AOX1: variants seen among roughly 807,000 people sequenced by gnomAD.
AOX1 encodes aldehyde oxidase.
In AOX1, 153 loss-of-function variants were observed where a neutral mutation model predicts 169.5. The observed-to-expected ratio is 0.90, with a 90% CI of 0.79 to 1.03. AOX1 has a LOEUF of 1.03. Among genes scored for constraint, AOX1 ranks in the 50% least tolerant of loss-of-function variants. The pLI is 0.00. For missense variants in AOX1, 1,656 were observed against 1,663.9 expected (o/e 1.00, Z 0.08); for synonymous variants, 562 against 581.9 (o/e 0.97, Z 0.49).
At chr2:200,670,451 C>A (rs1022261276) in intron 34 of AOX1, among the ~76,000 whole-genome samples, 178 bp from the exon 35 acceptor site, 2 of 152,102 alleles carry the variant, frequency 1.3e-5, no homozygotes, top group Non-Finnish European at 2.9e-5. Flanking sequence ...AGATGATAAC[C>A]CCAGGACCTC....
intron 10 of AOX1, among the ~76,000 whole-genome samples, chr2:200,607,017 C>T (rs766097257): frequency 4.6e-5 from 7 of 152,088 alleles, no homozygotes; most frequent in East Asian, 1.9e-4. Flanking sequence ...TCCAATACTA[C>T]GTTGAATAGT....
intron 20 of AOX1, among the ~76,000 whole-genome samples, chr2:200,628,842 G>A (rs540601060): frequency 3.3e-5 from 5 of 152,182 alleles, no homozygotes; most frequent in South Asian, 4.1e-4. Context: ...CACAAGAATC[G>A]CTTGAACCCT....
intron 25 of AOX1, 26 bp from the exon 26 acceptor site, chr2:200,650,948 A>G (rs971137977): frequency 6.2e-7 from 1 of 1,608,942 alleles, no homozygotes; most frequent in African/African-American, 1.3e-5. Context: ...TTCCCCTCCC[A>G]GCTTTAATCT....
chr2:200,629,581 C>G (rs1429234716), intron 20 of AOX1, among the ~76,000 whole-genome samples: 1 of 152,120 alleles, frequency 6.6e-6, no homozygotes, highest in Non-Finnish European at 1.5e-5. Context: ...AGCCCAGGAA[C>G]TGGTCTTAAC....
chr2:200,588,740 T>TTTTTTTTTTTTTTTTTG, intron 1 of AOX1, among the ~76,000 whole-genome samples: 1 of 139,386 alleles, frequency 7.2e-6, no homozygotes, highest in Non-Finnish European at 1.6e-5. Context: ...TTTTTTTTTT[T>TTTTTTTTTTTTTTTTTG]TTTTTTTGAG....
chr2:200,668,309 A>G (rs1172866713), intron 32 of AOX1, among the ~76,000 whole-genome samples: 2 of 151,940 alleles, frequency 1.3e-5, no homozygotes, highest in South Asian at 2.1e-4. Context: ...GGATTTCTCT[A>G]TGTTAGTCAG....
chr2:200,596,792 G>A (rs2034292381), intron 3 of AOX1, among the ~76,000 whole-genome samples: 1 of 152,180 alleles, frequency 6.6e-6, no homozygotes, highest in Non-Finnish European at 1.5e-5. Flanking sequence ...TGCTCATAAA[G>A]TTTCTTTGTG....
At chr2:200,652,001 C>T (rs1239574746) in intron 26 of AOX1, among the ~76,000 whole-genome samples, 2 of 152,142 alleles carry the variant, frequency 1.3e-5, no homozygotes, top group African/African-American at 4.8e-5. Context: ...ATTGTCACTC[C>T]TCTTTGCAGA....
intron 26 of AOX1, among the ~76,000 whole-genome samples, chr2:200,654,182 T>C (rs1215895384): frequency 8.2e-6 from 1 of 122,004 alleles, no homozygotes; most frequent in Non-Finnish European, 1.6e-5. Flanking sequence ...CACTCCAGCC[T>C]GGGTGACAGA....
intron 25 of AOX1, among the ~76,000 whole-genome samples, chr2:200,645,047 G>T (rs1028675726): frequency 6.6e-6 from 1 of 152,122 alleles, no homozygotes; most frequent in Admixed American, 6.5e-5. Flanking sequence ...TCTTTCTGTT[G>T]TCTGATTGCT....
chr2:200,605,388 T>C (rs1342386047), intron 9 of AOX1, 148 bp from the exon 10 acceptor site: 2 of 421,042 alleles, frequency 4.8e-6, no homozygotes, highest in Non-Finnish European at 8.3e-6. Flanking sequence ...ATTCTCTCTG[T>C]ATGTGATTTG....
intron 20 of AOX1, among the ~76,000 whole-genome samples, chr2:200,631,360 C>T (rs1004567724): frequency 6.6e-6 from 1 of 152,170 alleles, no homozygotes; most frequent in Non-Finnish European, 1.5e-5. Flanking sequence ...GTGCTTTATA[C>T]TGGAGAGCAC....
At chr2:200,676,958 G>A (rs1446273492) in exon 5 of AOX1, 2 of 469,952 alleles carry the variant, frequency 4.3e-6, no homozygotes, top group Non-Finnish European at 8.8e-6. Context: ...CAATGCTGGT[G>A]GCATAATGTC....
Position 200,616,007 on chromosome 2 carries a change from G to A in AOX1, c.1648G>A (p.Glu550Lys). 6.2e-7 allele frequency: 1 copy of A among 1,613,926 alleles called. No homozygotes were observed. The highest frequency in any genetic ancestry group is 1.1e-5 in the South Asian group (1 of 91,074). ...CTATCCTAGCCTTGCAGACAAGTATGAAAGTGCTTTAGAAGATCTTCATTC... is the reference window on the plus strand; with the variant it reads ...CTATCCTAGCCTTGCAGACAAGTATAAAAGTGCTTTAGAAGATCTTCATTC... ...VHYPSLADKY[E>K]SALEDLHSKH... The change falls in exon 16 of 35, where the codon GAA becomes AAA. Residue 550 changes from glutamate to lysine, a missense_variant. By Grantham distance (56) the Glu-to-Lys change is moderately conservative. Coordinates refer to ENST00000374700, the MANE Select transcript of AOX1 (RefSeq NM_001159.4).
rs532837459 is a variant in AOX1 at position 200,608,792 on chromosome 2, G to A, written c.908-192G>A. ...CTCAACTGCTATCCCTACCACCATC[G>A]CCTCACCACCACTTTCATTACTACC... is the stretch of plus-strand genomic sequence containing the variant. On this transcript the variant is annotated intron_variant, in intron 10 of 34. Transcript: ENST00000374700. Among the ~76,000 whole-genome samples, 5 of 151,056 alleles carry A rather than the reference G, an allele frequency of 3.3e-5. No individual in the cohort carries two copies. In the East Asian group the frequency reaches 5.8e-4, roughly 18 times the overall value.
chr2:200,677,891 C>A (rs759227838), downstream of AOX1, among the ~76,000 whole-genome samples: 4 of 152,136 alleles, frequency 2.6e-5, no homozygotes, highest in African/African-American at 4.8e-5. Flanking sequence ...ACTCCACGTG[C>A]GGCTATGAAA....
At chr2:200,630,076 TA>T (rs2035085038) in intron 20 of AOX1, among the ~76,000 whole-genome samples, 1 of 151,350 alleles carries the variant, frequency 6.6e-6, no homozygotes, top group South Asian at 2.1e-4. Flanking sequence ...TACCTTCTAT[TA>T]AAAAAGAAAA....
Position 200,609,227 on chromosome 2 carries a change from A to C in AOX1, c.1059+92A>C, listed in dbSNP as rs893245692. 8 of 1,592,976 alleles carry C rather than the reference A, an allele frequency of 5.0e-6. No homozygotes were observed. The African/African-American group carries it at 9.5e-5, about 19-fold the overall frequency. On this transcript the variant is annotated intron_variant, in intron 11 of 34. Coordinates refer to ENST00000374700, the MANE Select transcript of AOX1 (RefSeq NM_001159.4). ...CATTTTCATTCTTTTGGAACAGACA[A>C]AAAAAATAGTTCTCCAAAGCCTTGC...
chr2:200,614,078 A>G, intron 15 of AOX1, 112 bp downstream of exon 15: 1 of 1,021,938 alleles, frequency 9.8e-7, no homozygotes, highest in Non-Finnish European at 1.4e-6. Flanking sequence ...GACAATCCAC[A>G]TTAGAAACAC....
Sources: gnomAD v4.1 joint callset for allele counts (sites outside exome capture counted in the v4.1 genomes callset) on GRCh38, gnomAD v4.1.1 for gene constraint, MANE v1.5 for transcripts, NCBI Gene and HGNC (gene_info 2026-07-23, HGNC 2026-07-21) for gene names.